The following PEPD variants were observed in gnomAD, a reference collection of about 807,000 sequenced individuals.
PEPD encodes peptidase D, also known as xaa-Pro dipeptidase.
In PEPD, 53 loss-of-function variants were observed where a neutral mutation model predicts 60.7. The observed-to-expected ratio is 0.87, with a 90% CI of 0.70 to 1.10. The LOEUF (loss-of-function observed/expected upper bound fraction) is 1.10, where lower values mean the gene tolerates loss of function less well. Among genes scored for constraint, PEPD ranks in the 50% least tolerant of loss-of-function variants. The pLI is 0.00. For synonymous variants in PEPD, 267 were observed against 284.1 expected (o/e 0.94, Z 0.60); for missense variants, 711 against 711.9 (o/e 1.00, Z 0.01).
intron 3 of PEPD, among the ~76,000 whole-genome samples, chr19:33,509,576 A>G (rs1433279692): frequency 6.6e-6 from 1 of 152,206 alleles, no homozygotes; most frequent in Admixed American, 6.5e-5. Flanking sequence ...CCCAGTCCTC[A>G]GCAGAGAGCC....
rs370774938 is a variant in PEPD at position 33,504,215 on chromosome 19, C to T, written c.330-3214G>A. ...AAGGGATATGCGTGCCAGACTCCCA[C>T]GTCAAACCAGCCACCGAAGGCTTGG... On this transcript the variant is annotated intron_variant, in intron 3 of 14. Coordinates refer to ENST00000244137, the MANE Select transcript of PEPD (RefSeq NM_000285.4). 2.5e-4 allele frequency among the ~76,000 whole-genome samples: 38 copies of T among 152,356 alleles called. 1 individual carries two copies. In the South Asian group the frequency reaches 7.2e-3, roughly 29 times the overall value.
At chr19:33,419,383 G>A (rs1373620263) in intron 9 of PEPD, among the ~76,000 whole-genome samples, 2 of 152,232 alleles carry the variant, frequency 1.3e-5, no homozygotes, top group Admixed American at 1.3e-4. Flanking sequence ...TTGTGTAGCT[G>A]CTCCAGTAAG....
At chr19:33,479,503 GCCA>G (rs1245040373) in intron 6 of PEPD, among the ~76,000 whole-genome samples, 1 of 151,450 alleles carries the variant, frequency 6.6e-6, no homozygotes. Context: ...AGATTATTCT[GCCA>G]CCTAGGTATT....
intron 3 of PEPD, among the ~76,000 whole-genome samples, chr19:33,505,888 C>A (rs1970792190): frequency 7.6e-6 from 1 of 131,678 alleles, no homozygotes. Flanking sequence ...ACACCCTACA[C>A]ACTACTTACA....
At chr19:33,402,575 C>A (rs1377832523) in intron 11 of PEPD, among the ~76,000 whole-genome samples, 3 of 152,208 alleles carry the variant, frequency 2.0e-5, no homozygotes. Flanking sequence ...TCTGCCAGGG[C>A]CCAAGGGGAG....
chr19:33,435,902 C>T (rs1388797408), intron 9 of PEPD, among the ~76,000 whole-genome samples: 1 of 152,164 alleles, frequency 6.6e-6, no homozygotes, highest in African/African-American at 2.4e-5. Flanking sequence ...GCTGTAAACA[C>T]TGGTGGAAGG....
intron 3 of PEPD, among the ~76,000 whole-genome samples, chr19:33,505,417 C>T (rs1970780864): frequency 6.6e-6 from 1 of 152,102 alleles, no homozygotes; most frequent in Non-Finnish European, 1.5e-5. Flanking sequence ...ACAGAGGGAA[C>T]AGCGCTGCCC....
At chr19:33,482,245 C>A (rs1341327228) in intron 6 of PEPD, among the ~76,000 whole-genome samples, 1 of 152,086 alleles carries the variant, frequency 6.6e-6, no homozygotes, top group Non-Finnish European at 1.5e-5. Context: ...TACATCATGA[C>A]CAAGTGGGAT....
rs747314489 is a variant in PEPD, at chr19:33,490,074, C to T, written c.442-17G>A. 6.2e-7 allele frequency: 1 copy of T among 1,602,010 alleles called. No homozygotes were observed. Among genetic ancestry groups the T allele is most frequent in the South Asian group, 1.1e-5 (1 of 90,428 alleles). On this transcript the variant is annotated splice_polypyrimidine_tract_variant and intron_variant, in intron 5 of 14. Transcript: ENST00000244137. ...GACGCCACGCTGGGGAGAGAGAACA[C>T]AGACATGACACACGGGGCCGCATGG...
chr19:33,467,608 C>A (rs1054769829), intron 7 of PEPD, among the ~76,000 whole-genome samples: 2 of 152,034 alleles, frequency 1.3e-5, no homozygotes, highest in African/African-American at 4.8e-5. Context: ...GACAAGAAGG[C>A]AAATGGAACC....
rs180692210 is a variant in PEPD, at chr19:33,412,021, G to T, written c.741-272C>A. Among the ~76,000 whole-genome samples the T allele has an allele frequency of 5.9e-4, 90 of 152,374 alleles. 1 individual carries two copies. The East Asian group carries it at 0.016, about 28-fold the overall frequency. ...GTTAGGCGGCTGCCCTCTGGGCTGGGATGTGGGCATCATGTGGAACACATG... is the reference window on the plus strand; with the variant it reads ...GTTAGGCGGCTGCCCTCTGGGCTGGTATGTGGGCATCATGTGGAACACATG... On this transcript the variant is annotated intron_variant, in intron 10 of 14. Transcript: ENST00000244137.
intron 11 of PEPD, 46 bp downstream of exon 11, chr19:33,411,626 G>T: frequency 9.3e-7 from 1 of 1,080,232 alleles, no homozygotes; most frequent in Non-Finnish European, 1.4e-6. Flanking sequence ...GTCCAACCTT[G>T]GCCTGGCTGT....
chr19:33,512,995 T>A (rs1309839534), intron 1 of PEPD, among the ~76,000 whole-genome samples: 1 of 150,668 alleles, frequency 6.6e-6, no homozygotes, highest in African/African-American at 2.5e-5. Context: ...CCACCCATGC[T>A]GTCCTGACTC....
rs552366711 is a variant in PEPD at position 33,469,123 on chromosome 19, C to A, written c.549-5061G>T. The stretch of plus-strand genomic sequence containing the variant: ...TGACAGCATGGGTGAGGGCCAGGAT[C>A]TCCCGCCCTCCAACCCCTTACTTTC... On this transcript the variant is annotated intron_variant, in intron 7 of 14. Coordinates refer to ENST00000244137, the MANE Select transcript of PEPD (RefSeq NM_000285.4). Among the ~76,000 whole-genome samples, 8 of 152,286 alleles carry A rather than the reference C, an allele frequency of 5.3e-5. No homozygotes were observed. The South Asian group carries it at 1.7e-3, about 32-fold the overall frequency.
intron 7 of PEPD, among the ~76,000 whole-genome samples, chr19:33,471,071 A>T (rs1970111760): frequency 6.6e-6 from 1 of 152,324 alleles, no homozygotes; most frequent in Non-Finnish European, 1.5e-5. Flanking sequence ...CATCTCTGCC[A>T]TCGAGGCCCA....
At chr19:33,462,702 A>C (rs1164727644) in intron 9 of PEPD, among the ~76,000 whole-genome samples, 7 of 152,214 alleles carry the variant, frequency 4.6e-5, no homozygotes. Flanking sequence ...TAAGAGCAGC[A>C]ATTTGGTAAA....
intron 7 of PEPD, among the ~76,000 whole-genome samples, chr19:33,466,928 C>A (rs1033287231): frequency 6.6e-6 from 1 of 151,872 alleles, no homozygotes; most frequent in East Asian, 1.9e-4. Context: ...GAGGCCGAGG[C>A]GGGCAGATCA....
intron 7 of PEPD, among the ~76,000 whole-genome samples, chr19:33,464,692 C>T (rs1969989545): frequency 1.3e-5 from 2 of 152,134 alleles, no homozygotes; most frequent in South Asian, 4.2e-4. Context: ...GCAGGGGAGT[C>T]ACAATCGAGG....
At chr19:33,469,459 G>A (rs1363822428) in intron 7 of PEPD, among the ~76,000 whole-genome samples, 1 of 152,150 alleles carries the variant, frequency 6.6e-6, no homozygotes, top group Non-Finnish European at 1.5e-5. Context: ...CACGGGAGCC[G>A]CCACAGATGA....
Sources: allele counts gnomAD v4.1 joint callset (sites outside exome capture counted in the v4.1 genomes callset), GRCh38; gene constraint gnomAD v4.1.1; transcripts MANE v1.5; gene names NCBI Gene and HGNC (gene_info 2026-07-23, HGNC 2026-07-21).